The following FGR variants were observed in gnomAD, a reference collection of about 807,000 sequenced individuals.
FGR encodes the protein FGR proto-oncogene, Src family tyrosine kinase, also known as tyrosine-protein kinase Fgr.
A neutral mutation model predicts 63.2 loss-of-function variants in FGR; 26 were observed. The ratio of observed to expected loss-of-function variants is 0.41; its 90% CI spans 0.30 to 0.57. The LOEUF (loss-of-function observed/expected upper bound fraction) is 0.57, where lower values mean the gene tolerates loss of function less well. FGR is among the 20% of genes least tolerant of loss of function. The probability of loss-of-function intolerance (pLI) is 0.27; values close to 1 mark genes in which losing one functional copy is unlikely to be tolerated. For synonymous variants in FGR, 286 were observed against 277.7 expected, an observed-to-expected ratio of 1.03 and a Z score of -0.30; for missense variants, 511 against 690.8, an observed-to-expected ratio of 0.74 and a Z score of 2.92.
At position 27,615,888 on chromosome 1, in the gene FGR, A is replaced by AC. The variant is rs35558221; in HGVS notation, c.683-45dup. ...AGTAGAGTCACAGGTGGGCCAGGAC[A>AC]CCCCCCTCCACTCCTTATCCTATCC... On this transcript the variant is annotated intron_variant, in intron 7 of 12. Transcript: ENST00000374005. This position sits in a 1 kb window ranked among gnomAD's most constrained non-coding sequence, Gnocchi z 7.6. The AC allele has an allele frequency of 6.1e-5, 91 of 1,500,106 alleles. 4 individuals carry two copies. The South Asian group carries it at 1.1e-3, about 19-fold the overall frequency. The allele number at this position is 1,500,106 out of a possible 1,614,324, so 92.9% of individuals were successfully genotyped here.
intron 1 of FGR, chr1:27,626,009 G>A (rs1489928300): frequency 2.5e-6 from 1 of 398,932 alleles, no homozygotes; most frequent in Non-Finnish European, 4.4e-6. Context: ...GCCACCCTAG[G>A]GTTCCATGTG....
chr1:27,629,058 A>C (rs1443725769), intron 1 of FGR, among the ~76,000 whole-genome samples: 1 of 152,138 alleles, frequency 6.6e-6, no homozygotes, highest in Non-Finnish European at 1.5e-5. Flanking sequence ...AGACAGAAAA[A>C]GGAGAGGCAG....
chr1:27,621,392 A>G (rs1217781772), intron 5 of FGR, among the ~76,000 whole-genome samples, 167 bp downstream of exon 5: 1 of 152,180 alleles, frequency 6.6e-6, no homozygotes, highest in East Asian at 1.9e-4. Context: ...ATTATCTACT[A>G]TTATTATTAT....
At chr1:27,624,879 C>T (rs114320045) in intron 2 of FGR, among the ~76,000 whole-genome samples, 2,089 of 152,076 alleles carry the variant, frequency 0.014, 42 homozygotes, top group African/African-American at 0.046. Context: ...TGTGTCTGCA[C>T]CTGGAGAGTC....
rs187536825 is a variant in FGR, at chr1:27,622,565, G to A, written c.329+477C>T. 2.1e-3 allele frequency among the ~76,000 whole-genome samples: 318 copies of A among 151,806 alleles called. 1 individual carries two copies. The highest frequency in any genetic ancestry group is 7.1e-3 in the African/African-American group (294 of 41,378). On this transcript the variant is annotated intron_variant, in intron 4 of 12. Coordinates refer to ENST00000374005, the MANE Select transcript of FGR (RefSeq NM_005248.3). ...CTGTTGCCTAGGCTGGAGTGCAGTG[G>A]TGCAATCTCAGCTCACTGCAACCTC... is the stretch of plus-strand genomic sequence containing the variant.
chr1:27,612,153 A>C lies in FGR; in HGVS notation c.*761T>G. The C allele has an allele frequency of 6.6e-6, 1 of 152,142 alleles. No homozygotes were observed. Among genetic ancestry groups the C allele is most frequent in the Non-Finnish European group, 1.5e-5 (1 of 68,024 alleles). 9.4% of individuals were successfully genotyped at this position (152,142 alleles called of 1,614,324 possible). A position where few individuals can be genotyped will look rare whatever the true frequency, so the allele number is the denominator to read the frequency against. On this transcript the variant is annotated 3_prime_UTR_variant, in exon 13 of 13. Coordinates refer to ENST00000374005, the MANE Select transcript of FGR (RefSeq NM_005248.3). ...GAGCAGTGGGACTCTGGGTGTTCTA[A>C]AACTCCACACCTTGGATGCCCCGTG...
At chr1:27,625,527 G>C (rs950798232) in intron 1 of FGR, among the ~76,000 whole-genome samples, 6 of 152,124 alleles carry the variant, frequency 3.9e-5, no homozygotes, top group Non-Finnish European at 7.4e-5. Flanking sequence ...GTGCCTGCCA[G>C]GTTAACAGAC....
rs764279159 is a variant in FGR at position 27,613,371 on chromosome 1, G to C, written c.1250-21C>G. 1.6e-5 allele frequency: 25 copies of C among 1,611,950 alleles called. No homozygotes were observed. The Admixed American group carries it at 2.7e-4, about 17-fold the overall frequency. On this transcript the variant is annotated intron_variant, in intron 11 of 12. Coordinates refer to ENST00000374005, the MANE Select transcript of FGR (RefSeq NM_005248.3). ...GGAACCTGGAGAAGATGGGGGAGCA[G>C]GGAAAGTTAGTGAGGGGGTCCCTGG...
At chr1:27,614,102 G>T (rs1281136933) in intron 11 of FGR, among the ~76,000 whole-genome samples, 1 of 152,190 alleles carries the variant, frequency 6.6e-6, no homozygotes, top group Non-Finnish European at 1.5e-5. Context: ...AATTCCCACT[G>T]TTACACGCCA....
chr1:27,628,638 A>G (rs2090060982), intron 1 of FGR, among the ~76,000 whole-genome samples: 1 of 151,960 alleles, frequency 6.6e-6, no homozygotes, highest in Non-Finnish European at 1.5e-5. Flanking sequence ...ACAATCTCTC[A>G]TGTTCACACA....
At chr1:27,618,867 A>C (rs112552726) in intron 5 of FGR, among the ~76,000 whole-genome samples, 1 of 152,142 alleles carries the variant, frequency 6.6e-6, no homozygotes, top group Non-Finnish European at 1.5e-5. Flanking sequence ...AGTGCTTCAC[A>C]CTTGGGTCTC....
In FGR at chr1:27,615,853, G is replaced by T; in HGVS notation, c.683-9C>A. ...CAGCCCGTCATTCACCTCTAGGGGA[G>T]GGGTCATGAAGTAGAGTCACAGGTG... On this transcript the variant is annotated splice_polypyrimidine_tract_variant and intron_variant, in intron 7 of 12. Transcript: ENST00000374005. The surrounding 1 kb of genome is among the most constrained non-coding windows in gnomAD (Gnocchi z 7.6). 1 of 1,572,346 alleles carries T rather than the reference G, an allele frequency of 6.4e-7. No homozygotes were observed. Among genetic ancestry groups the T allele is most frequent in the Non-Finnish European group, 8.6e-7 (1 of 1,156,644 alleles).
chr1:27,617,850 G>A lies in FGR; in HGVS notation c.429-554C>T, dbSNP rs2089843526. Among the ~76,000 whole-genome samples the A allele has an allele frequency of 1.3e-5, 2 of 152,124 alleles. No individual in the cohort carries two copies. The highest frequency in any genetic ancestry group is 2.9e-5 in the Non-Finnish European group (2 of 68,032). The stretch of plus-strand genomic sequence containing the variant: ...TCCCGCCCCGGCTACTGCTCTTCCT[G>A]CACTCTCTTAGACTTGGATGTTGTC... On this transcript the variant is annotated intron_variant, in intron 5 of 12. Transcript: ENST00000374005. The surrounding 1 kb of genome is among the most constrained non-coding windows in gnomAD (Gnocchi z 4.5).
In FGR at chr1:27,617,123, G is replaced by A. The variant is rs2089828455; in HGVS notation, c.532+70C>T. On this transcript the variant is annotated intron_variant, in intron 6 of 12. Coordinates refer to ENST00000374005, the MANE Select transcript of FGR (RefSeq NM_005248.3). The surrounding 1 kb of genome is among the most constrained non-coding windows in gnomAD (Gnocchi z 4.5). ...CCCAGTCTTGGCCTTAACCCAAGCA[G>A]CCTACCGCTCCTAGCCCTACCCCAA... 1 of 1,596,424 alleles carries A rather than the reference G, an allele frequency of 6.3e-7. No individual in the cohort carries two copies. Among genetic ancestry groups the A allele is most frequent in the South Asian group, 1.1e-5 (1 of 90,600 alleles).
rs777256500 is a variant in FGR at position 27,623,797 on chromosome 1, C to T, written c.120G>A (p.Lys40=). Residue 40 remains lysine (K), a synonymous_variant, in exon 3 of 13, where the codon AAG becomes AAA. Transcript: ENST00000374005. The part of the protein sequence containing the change: ...AADHYGPDPT[K]ARPASSFAHI... The stretch of plus-strand genomic sequence containing the variant: ...GGGCAAATGAGGATGCAGGCCGGGC[C>T]TTAGTGGGGTCAGGCCCATAGTGGT... 1.2e-6 allele frequency: 2 copies of T among 1,614,230 alleles called. No homozygotes were observed. The highest frequency in any genetic ancestry group is 1.7e-6 in the Non-Finnish European group (2 of 1,180,040).
Position 27,612,961 on chromosome 1 carries a change from A to G in FGR, c.1543T>C (p.Tyr515His), listed in dbSNP as rs374523467. Residue 515 changes from tyrosine to histidine, a missense_variant, in exon 13 of 13, where the codon TAC becomes CAC. Coordinates refer to ENST00000374005, the MANE Select transcript of FGR (RefSeq NM_005248.3). The stretch of plus-strand genomic sequence containing the variant: ...TACTGTGGTTCAGCGGAGGTGAAGT[A>G]GTCCTCCAGGAAGGACTGCAGGTAC... The part of the protein sequence containing the change: ...FEYLQSFLED[Y>H]FTSAEPQYQP... The G allele has an allele frequency of 6.8e-6, 11 of 1,614,056 alleles. No homozygotes were observed. Among genetic ancestry groups the G allele is most frequent in the African/African-American group, 1.3e-5 (1 of 74,924 alleles).
At chr1:27,623,577 G>T in intron 3 of FGR, 114 bp downstream of exon 3, 1 of 1,054,002 alleles carries the variant, frequency 9.5e-7, no homozygotes, top group Non-Finnish European at 1.4e-6. Context: ...TGAAAGCGGG[G>T]TTGTATCTGC....
intron 5 of FGR, among the ~76,000 whole-genome samples, chr1:27,620,568 A>C (rs527265263): frequency 5.3e-5 from 8 of 152,070 alleles, no homozygotes; most frequent in Non-Finnish European, 1.2e-4. Flanking sequence ...AGTAAGCTAA[A>C]ATCATGTCAC....
At chr1:27,625,342 A>T (rs2090003182) in intron 1 of FGR, among the ~76,000 whole-genome samples, 191 bp from the exon 2 acceptor site, 2 of 152,072 alleles carry the variant, frequency 1.3e-5, no homozygotes, top group South Asian at 4.1e-4. Flanking sequence ...CAAACCACCC[A>T]CACCAGCTCT....
Sources: allele counts gnomAD v4.1 joint callset (sites outside exome capture counted in the v4.1 genomes callset), GRCh38; gene constraint gnomAD v4.1.1; non-coding constraint Gnocchi (gnomAD v3.1); transcripts MANE v1.5; gene names NCBI Gene and HGNC (gene_info 2026-07-23, HGNC 2026-07-21).